The following CSMD1 variants were observed in gnomAD, a reference collection of about 807,000 sequenced individuals.
CSMD1 encodes CUB and sushi domain-containing protein 1.
CSMD1 carries 213 observed loss-of-function variants against 417.5 expected under a neutral mutation model. The ratio of observed to expected loss-of-function variants is 0.51; its 90% CI spans 0.46 to 0.57. The LOEUF is 0.57. Among genes scored for constraint, CSMD1 ranks in the 20% least tolerant of loss-of-function variants. The probability of loss-of-function intolerance (pLI) is 0.00; values close to 1 mark genes in which losing one functional copy is unlikely to be tolerated. For synonymous variants in CSMD1, 2,862 were observed against 1,736.8 expected, an observed-to-expected ratio of 1.65 and a Z score of -16.11; for missense variants, 6,923 against 4,529.7, an observed-to-expected ratio of 1.53 and a Z score of -15.17.
At chr8:4,702,949 G>A (rs1019701474) in intron 1 of CSMD1, among the ~76,000 whole-genome samples, 7 of 151,896 alleles carry the variant, frequency 4.6e-5, no homozygotes, top group Non-Finnish European at 8.8e-5. Context: ...TACCCTTAGG[G>A]TCTCAAAATA....
rs1013965075 is a variant in CSMD1 at position 3,475,384 on chromosome 8, A to T, written c.1449-6560T>A. ...AATCAATAAATAAAAATATAAATTA[A>T]CCTACACTGTATTCATTATACAGCT... On this transcript the variant is annotated intron_variant, in intron 11 of 69. Transcript: ENST00000635120. 1.1e-4 allele frequency among the ~76,000 whole-genome samples: 17 copies of T among 152,250 alleles called. 1 individual carries two copies. In the South Asian group the frequency reaches 3.5e-3, roughly 32 times the overall value.
At chr8:4,359,394 T>G (rs759092909) in intron 3 of CSMD1, among the ~76,000 whole-genome samples, 2 of 152,224 alleles carry the variant, frequency 1.3e-5, no homozygotes, top group African/African-American at 4.8e-5. Flanking sequence ...AAACTCACAA[T>G]AACATATTAA....
At chr8:3,882,020 G>A (rs1806238507) in intron 5 of CSMD1, among the ~76,000 whole-genome samples, 2 of 152,092 alleles carry the variant, frequency 1.3e-5, no homozygotes, top group South Asian at 2.1e-4. Flanking sequence ...GTCTGATGAT[G>A]CAACTATTTT....
chr8:2,983,617 C>T (rs1326236436), intron 54 of CSMD1, among the ~76,000 whole-genome samples: 2 of 152,142 alleles, frequency 1.3e-5, no homozygotes, highest in Non-Finnish European at 1.5e-5. Flanking sequence ...CTTGTATATC[C>T]AAAATTTGGC....
chr8:3,702,151 A>C (rs1057303171), intron 7 of CSMD1: 1 of 152,182 alleles, frequency 6.6e-6, no homozygotes, highest in African/African-American at 2.4e-5. Flanking sequence ...TCAGTTTTCC[A>C]CATTTAAAAA....
At chr8:3,494,634 C>A (rs934721328) in intron 10 of CSMD1, among the ~76,000 whole-genome samples, 1 of 151,370 alleles carries the variant, frequency 6.6e-6, no homozygotes, top group Non-Finnish European at 1.5e-5. Flanking sequence ...AGATGACAGA[C>A]TGGATGGATG....
intron 10 of CSMD1, among the ~76,000 whole-genome samples, chr8:3,556,579 TTCAATATCACTCTA>T (rs1799164681): frequency 6.8e-6 from 1 of 147,082 alleles, no homozygotes; most frequent in African/African-American, 2.5e-5. Flanking sequence ...AATGGAAAAG[TTCAATATCACTCTA>T]TCATTGCCTT....
intron 3 of CSMD1, among the ~76,000 whole-genome samples, chr8:4,096,526 C>T (rs750827027): frequency 2.6e-5 from 4 of 152,102 alleles, no homozygotes; most frequent in African/African-American, 4.8e-5. Flanking sequence ...TTAGAAAAAA[C>T]TGAGAATGTT....
rs1046758987 is a variant in CSMD1, at chr8:4,506,767, G to T, written c.303-86702C>A. Among the ~76,000 whole-genome samples, 37 of 152,084 alleles carry T rather than the reference G, an allele frequency of 2.4e-4. 1 individual carries two copies. Among genetic ancestry groups the T allele is most frequent in the African/African-American group, 8.9e-4 (37 of 41,410 alleles). The stretch of plus-strand genomic sequence containing the variant: ...TATATATGGTTAAATAAGCATAAAT[G>T]CTTTAATTTTCCTGAAAGAGCCACC... On this transcript the variant is annotated intron_variant, in intron 2 of 69. Coordinates refer to ENST00000635120, the MANE Select transcript of CSMD1 (RefSeq NM_033225.6).
intron 26 of CSMD1, among the ~76,000 whole-genome samples, chr8:3,283,693 C>G (rs935169509): frequency 3.9e-5 from 6 of 152,158 alleles, no homozygotes; most frequent in Non-Finnish European, 7.3e-5. Flanking sequence ...CAGAAGGACA[C>G]TCCCAGGATG....
intron 3 of CSMD1, among the ~76,000 whole-genome samples, chr8:4,319,058 C>G (rs990736792): frequency 1.3e-5 from 2 of 152,148 alleles, no homozygotes; most frequent in Non-Finnish European, 2.9e-5. Context: ...ACCAAATAAA[C>G]ATCTTTTACT....
At position 3,128,623 on chromosome 8, in the gene CSMD1, T is replaced by C. The variant is rs1240921334; in HGVS notation, c.6242-10036A>G. On this transcript the variant is annotated intron_variant, in intron 41 of 69. Coordinates refer to ENST00000635120, the MANE Select transcript of CSMD1 (RefSeq NM_033225.6). ...TGTCATCTTATCAATTTATCAATTT[T>C]ATAAAATGGCAAACACTGACAAACT... The C allele has an allele frequency of 1.0e-5, 3 of 295,974 alleles. No individual in the cohort carries two copies. In the East Asian group the frequency reaches 2.6e-4, roughly 25 times the overall value. 18.3% of individuals were successfully genotyped at this position (295,974 alleles called of 1,614,324 possible).
chr8:4,718,778 A>C (rs893528656), intron 1 of CSMD1, among the ~76,000 whole-genome samples: 2 of 152,064 alleles, frequency 1.3e-5, no homozygotes, highest in Non-Finnish European at 2.9e-5. Context: ...TTTTTAAAGC[A>C]ATAGAAACTT....
chr8:3,872,320 G>C (rs779564603), intron 5 of CSMD1, among the ~76,000 whole-genome samples: 1 of 152,166 alleles, frequency 6.6e-6, no homozygotes, highest in Admixed American at 6.5e-5. Context: ...CTCATTCTCA[G>C]TTCTCCCAGC....
chr8:4,467,449 C>G (rs1042947985), intron 2 of CSMD1, among the ~76,000 whole-genome samples: 1 of 152,178 alleles, frequency 6.6e-6, no homozygotes, highest in Admixed American at 6.5e-5. Flanking sequence ...CCTTCTAAAC[C>G]GTTAATCTTG....
intron 3 of CSMD1, among the ~76,000 whole-genome samples, chr8:4,106,718 T>A (rs192761005): frequency 1.1e-3 from 166 of 152,306 alleles, no homozygotes; most frequent in Non-Finnish European, 2.0e-3. Flanking sequence ...ATGTGCGTTT[T>A]ATACACACAG....
intron 2 of CSMD1, among the ~76,000 whole-genome samples, chr8:4,535,236 C>A (rs1244119200): frequency 1.3e-5 from 2 of 152,104 alleles, no homozygotes; most frequent in South Asian, 2.1e-4. Flanking sequence ...TACATTTTAA[C>A]AATTTTTAAA....
chr8:3,877,607 C>G (rs1317262004), intron 5 of CSMD1, among the ~76,000 whole-genome samples: 2 of 152,146 alleles, frequency 1.3e-5, no homozygotes, highest in Non-Finnish European at 2.9e-5. Flanking sequence ...CAACCAGAAT[C>G]CACAATTTCT....
At chr8:3,189,084 C>A in intron 34 of CSMD1, 73 bp from the exon 35 acceptor site, 1 of 1,393,276 alleles carries the variant, frequency 7.2e-7, no homozygotes, top group Non-Finnish European at 9.8e-7. Flanking sequence ...AGTTTTCTTT[C>A]ACTGTGTGAC....
Sources: allele counts gnomAD v4.1 joint callset (sites outside exome capture counted in the v4.1 genomes callset), GRCh38; gene constraint gnomAD v4.1.1; transcripts MANE v1.5; gene names NCBI Gene and HGNC (gene_info 2026-07-23, HGNC 2026-07-21).